Variants in SLIT1 observed in about 807,000 individuals in gnomAD.
The protein encoded by SLIT1 is slit guidance ligand 1.
Under a neutral mutation model 186.1 loss-of-function variants are expected in SLIT1, and 66 were observed. That is an observed-to-expected ratio of 0.35 (90% CI 0.29 to 0.44). The LOEUF (loss-of-function observed/expected upper bound fraction) is 0.44, where lower values mean the gene tolerates loss of function less well. Among genes scored for constraint, SLIT1 ranks in the 20% least tolerant of loss-of-function variants. The probability of loss-of-function intolerance (pLI) is 1.00; values close to 1 mark genes in which losing one functional copy is unlikely to be tolerated. For missense variants in SLIT1, 1,638 were observed against 2,037.4 expected (o/e 0.80, Z 3.77); for synonymous variants, 761 against 833.8 (o/e 0.91, Z 1.50).
chr10:97,059,541 G>A lies in SLIT1; in HGVS notation c.1014-10C>T. On this transcript the variant is annotated splice_polypyrimidine_tract_variant and intron_variant, in intron 10 of 36. Coordinates refer to ENST00000266058, the MANE Select transcript of SLIT1 (RefSeq NM_003061.3). ...ATTGTTGCTCAGGTCTCTGCAAGGT[G>A]AGCAGAAGGAGAGGGGGCATCTGAA... 2 of 1,612,576 alleles carry A rather than the reference G, an allele frequency of 1.2e-6. No homozygotes were observed. Among genetic ancestry groups the A allele is most frequent in the Non-Finnish European group, 1.7e-6 (2 of 1,179,022 alleles).
intron 30 of SLIT1, among the ~76,000 whole-genome samples, chr10:97,012,404 G>C (rs1014397261): frequency 1.3e-5 from 2 of 152,240 alleles, no homozygotes; most frequent in East Asian, 1.9e-4. Flanking sequence ...GTAATGCCAG[G>C]CACAGCTGAA....
At chr10:97,102,225 C>G (rs1189172734) in intron 4 of SLIT1, 1 of 152,076 alleles carries the variant, frequency 6.6e-6, no homozygotes, top group Non-Finnish European at 1.5e-5. Context: ...AGTTCAAGAC[C>G]AGCCTGGCCA....
intron 4 of SLIT1, among the ~76,000 whole-genome samples, chr10:97,098,890 C>T (rs1849319766): frequency 6.6e-6 from 1 of 152,166 alleles, no homozygotes; most frequent in Admixed American, 6.5e-5. Flanking sequence ...ACGTGGCTGT[C>T]AGTAGGAACT....
intron 31 of SLIT1, among the ~76,000 whole-genome samples, chr10:97,009,397 C>A (rs1848392221): frequency 1.3e-5 from 2 of 152,318 alleles, no homozygotes; most frequent in African/African-American, 4.8e-5. Flanking sequence ...AAAGAATTAT[C>A]TTTTTGACAA....
At chr10:97,057,074 G>C in intron 12 of SLIT1, 136 bp downstream of exon 12, 1 of 659,886 alleles carries the variant, frequency 1.5e-6, no homozygotes, top group Non-Finnish European at 2.7e-6. Context: ...AGCCCTAGTG[G>C]GTCTGCCTGT....
intron 4 of SLIT1, among the ~76,000 whole-genome samples, chr10:97,099,490 A>G (rs1849328593): frequency 6.6e-6 from 1 of 152,096 alleles, no homozygotes; most frequent in Admixed American, 6.5e-5. Flanking sequence ...ACAGGAGGAG[A>G]AGCTCCTGGA....
chr10:97,127,334 T>C (rs1405772639), intron 4 of SLIT1, among the ~76,000 whole-genome samples: 1 of 151,370 alleles, frequency 6.6e-6, no homozygotes. Flanking sequence ...GACATTTCTG[T>C]AAAGTATCCA....
chr10:97,141,771 C>CTGTATTGTATT (rs1564686547), intron 4 of SLIT1, among the ~76,000 whole-genome samples: 6 of 146,228 alleles, frequency 4.1e-5, no homozygotes, highest in African/African-American at 1.3e-4. Flanking sequence ...CGTATTGTAT[C>CTGTATTGTATT]GTACTGTATT....
chr10:97,178,054 T>C (rs1850280311), intron 1 of SLIT1, among the ~76,000 whole-genome samples: 1 of 151,988 alleles, frequency 6.6e-6, no homozygotes, highest in East Asian at 1.9e-4. Flanking sequence ...GAAAGCCAAC[T>C]AATAGAGAAC....
At chr10:97,003,943 G>A (rs941658663) in intron 34 of SLIT1, 125 bp downstream of exon 34, 1 of 894,940 alleles carries the variant, frequency 1.1e-6, no homozygotes, top group Admixed American at 2.3e-5. Context: ...TCCACCTGCA[G>A]CTTGGCCACC....
intron 16 of SLIT1, 46 bp downstream of exon 16, chr10:97,047,644 T>A (rs1251796585): frequency 2.0e-6 from 3 of 1,537,188 alleles, no homozygotes; most frequent in Non-Finnish European, 2.7e-6. Context: ...GGAGGGTTAG[T>A]GGCAGTTAGG....
rs184616313 is a variant in SLIT1 at position 97,057,037 on chromosome 10, C to G, written c.1157+173G>C. Among the ~76,000 whole-genome samples, 532 of 152,322 alleles carry G rather than the reference C, an allele frequency of 3.5e-3. 6 individuals carry two copies. The highest frequency in any genetic ancestry group is 0.012 in the African/African-American group (491 of 41,568). ...AAGCTGCCTCTACCTCCTTCTCTAG[C>G]CTCTGCAGAGCCCTGGAGACTTTCT... On this transcript the variant is annotated intron_variant, in intron 12 of 36. Transcript: ENST00000266058.
rs777762232 is a variant in SLIT1, at chr10:97,043,354, TGGA to T, written c.1997+13_1997+15del. ...CTCCAGAGCCCCCGCCCGCCTGTCC[TGGA>T]GGCCGGACTCACAGTGTGGAGAGGG... On this transcript the variant is annotated intron_variant, in intron 19 of 36. Coordinates refer to ENST00000266058, the MANE Select transcript of SLIT1 (RefSeq NM_003061.3). The surrounding 1 kb of genome is among the most constrained non-coding windows in gnomAD (Gnocchi z 7.0). 1.1e-5 allele frequency: 18 copies of T among 1,612,932 alleles called. No homozygotes were observed. The South Asian group carries it at 2.0e-4, about 18-fold the overall frequency.
chr10:97,156,981 T>C (rs1849959895), intron 4 of SLIT1, among the ~76,000 whole-genome samples: 1 of 152,204 alleles, frequency 6.6e-6, no homozygotes, highest in African/African-American at 2.4e-5. Context: ...ACCTGACAGC[T>C]CTTCAAAAAC....
At chr10:97,091,399 T>C (rs1043444390) in intron 4 of SLIT1, among the ~76,000 whole-genome samples, 1 of 152,240 alleles carries the variant, frequency 6.6e-6, no homozygotes, top group African/African-American at 2.4e-5. Flanking sequence ...TTGTAGATTT[T>C]TGTGTGGTAG....
intron 4 of SLIT1, among the ~76,000 whole-genome samples, chr10:97,115,618 G>A (rs942526764): frequency 6.6e-6 from 1 of 152,026 alleles, no homozygotes. Flanking sequence ...AGAGCCCTGG[G>A]CATCCTGACC....
chr10:97,051,013 G>A (rs892155419), intron 13 of SLIT1, among the ~76,000 whole-genome samples: 2 of 152,144 alleles, frequency 1.3e-5, no homozygotes, highest in East Asian at 1.9e-4. Context: ...AAAAATAATC[G>A]TGTTAAAGGA....
intron 4 of SLIT1, among the ~76,000 whole-genome samples, chr10:97,092,544 T>C (rs1849243701): frequency 3.9e-5 from 6 of 152,226 alleles, no homozygotes; most frequent in Admixed American, 3.9e-4. Context: ...ATGCTATTTC[T>C]GGTGGCAAAA....
chr10:97,169,624 C>T (rs975988844), intron 1 of SLIT1, among the ~76,000 whole-genome samples: 1 of 152,212 alleles, frequency 6.6e-6, no homozygotes, highest in African/African-American at 2.4e-5. Context: ...AGTAGGCCCA[C>T]CTGGGCAGGT....
Sources: allele counts gnomAD v4.1 joint callset (sites outside exome capture counted in the v4.1 genomes callset), GRCh38; gene constraint gnomAD v4.1.1; non-coding constraint Gnocchi (gnomAD v3.1); transcripts MANE v1.5; gene names NCBI Gene and HGNC (gene_info 2026-07-23, HGNC 2026-07-21).